IP6K3: variants seen among roughly 807,000 people sequenced by gnomAD.
IP6K3 encodes the protein inositol hexakisphosphate kinase 3.
Under a neutral mutation model 28.8 loss-of-function variants are expected in IP6K3, and 20 were observed. That is an observed-to-expected ratio of 0.70 (90% confidence interval 0.49 to 1.01). The LOEUF is 1.01. IP6K3 is among the 50% of genes least tolerant of loss of function. The probability of loss-of-function intolerance (pLI) is 0.00; values close to 1 mark genes in which losing one functional copy is unlikely to be tolerated. For missense variants in IP6K3, 480 were observed against 537.1 expected (o/e 0.89, Z 1.05); for synonymous variants, 213 against 221.3 (o/e 0.96, Z 0.33).
intron 3 of IP6K3, 79 bp from the exon 4 acceptor site, chr6:33,726,985 C>G: frequency 7.1e-7 from 1 of 1,405,370 alleles, no homozygotes; most frequent in African/African-American, 1.4e-5. Context: ...ACTGGGCTCT[C>G]TGAGATGGGC....
the IP6K3 span, among the ~76,000 whole-genome samples, chr6:33,759,954 C>G: frequency 6.6e-6 from 1 of 152,146 alleles, no homozygotes; most frequent in Non-Finnish European, 1.5e-5. Context: ...CCCACCTTGC[C>G]CTGCTGAAGC....
the IP6K3 span, among the ~76,000 whole-genome samples, chr6:33,761,823 C>G: frequency 6.6e-6 from 1 of 152,066 alleles, no homozygotes; most frequent in Non-Finnish European, 1.5e-5. Context: ...GGGTTGCATC[C>G]CTGGCCTTCC....
intron 1 of IP6K3, among the ~76,000 whole-genome samples, chr6:33,741,975 CAA>C (rs10562436): frequency 0.52 from 76,352 of 147,122 alleles, 20,593 homozygotes; most frequent in African/African-American, 0.64. Context: ...CAAAAACAAG[CAA>C]AAAAAAAAAA....
At chr6:33,756,205 T>A in the IP6K3 span, among the ~76,000 whole-genome samples, 1 of 152,078 alleles carries the variant, frequency 6.6e-6, no homozygotes, top group South Asian at 2.1e-4. Flanking sequence ...AAGTAGATGG[T>A]AGTGTGGTAG....
intron 2 of IP6K3, among the ~76,000 whole-genome samples, chr6:33,731,483 A>G (rs1766319769): frequency 6.6e-6 from 1 of 152,202 alleles, no homozygotes; most frequent in Non-Finnish European, 1.5e-5. Flanking sequence ...CCCAAAACCA[A>G]TAAAATCCAA....
chr6:33,725,556 T>C lies in IP6K3; in HGVS notation c.650A>G (p.Lys217Arg). The C allele has an allele frequency of 3.1e-6, 5 of 1,614,208 alleles. No homozygotes were observed. Among genetic ancestry groups the C allele is most frequent in the Non-Finnish European group, 4.2e-6 (5 of 1,180,032 alleles). Reference protein sequence around the residue: ...QYTHPCVLDLKMGTRQHGDDA... With the variant: ...QYTHPCVLDLRMGTRQHGDDA... The stretch of plus-strand genomic sequence containing the variant: ...ATCGCCGTGCTGCCGGGTCCCCATC[T>C]TCAGATCCAGGACACAGGGATGCGT... Residue 217 changes from lysine to arginine, a missense_variant, in exon 5 of 6, where the codon AAG becomes AGG. Transcript: ENST00000293756.
intron 2 of IP6K3, among the ~76,000 whole-genome samples, chr6:33,732,237 C>G (rs926957573): frequency 6.6e-6 from 1 of 152,182 alleles, no homozygotes; most frequent in African/African-American, 2.4e-5. Context: ...GAACTCTGAC[C>G]CAAGAGGCTG....
chr6:33,740,705 G>A (rs149449593), intron 1 of IP6K3, among the ~76,000 whole-genome samples: 30 of 152,318 alleles, frequency 2.0e-4, no homozygotes, highest in East Asian at 1.2e-3. Context: ...GTCACAACCC[G>A]TCGGCACATT....
At chr6:33,738,537 T>A (rs2127361385) in intron 1 of IP6K3, among the ~76,000 whole-genome samples, 1 of 152,324 alleles carries the variant, frequency 6.6e-6, no homozygotes, top group South Asian at 2.1e-4. Flanking sequence ...TATTTAAGCC[T>A]TACAATCCAT....
At chr6:33,735,177 C>G (rs562881599) in intron 2 of IP6K3, 101 bp downstream of exon 2, 10 of 1,015,680 alleles carry the variant, frequency 9.8e-6, no homozygotes, top group East Asian at 2.6e-5. Flanking sequence ...TGTGGCAACC[C>G]TTACACACAC....
At chr6:33,723,516 C>G (rs1765990400) in intron 5 of IP6K3, among the ~76,000 whole-genome samples, 1 of 152,212 alleles carries the variant, frequency 6.6e-6, no homozygotes, top group Non-Finnish European at 1.5e-5. Flanking sequence ...ATGATTTAAG[C>G]CCTGGCTCCT....
intron 3 of IP6K3, 58 bp downstream of exon 3, chr6:33,728,029 A>G (rs2127351654): frequency 1.9e-6 from 3 of 1,577,030 alleles, no homozygotes; most frequent in East Asian, 4.5e-5. Context: ...CACAGGTGGG[A>G]GCAGTGCCGG....
intron 1 of IP6K3, among the ~76,000 whole-genome samples, chr6:33,736,076 G>T (rs1048450785): frequency 6.6e-6 from 1 of 152,070 alleles, no homozygotes; most frequent in Non-Finnish European, 1.5e-5. Context: ...ATGTTGCCTG[G>T]GCTGGTCTCA....
upstream of IP6K3, among the ~76,000 whole-genome samples, chr6:33,750,483 C>G (rs187796799): frequency 9.2e-4 from 140 of 152,336 alleles, 1 homozygote; most frequent in Non-Finnish European, 1.1e-3. The surrounding 1 kb of genome is among the most constrained non-coding windows in gnomAD (Gnocchi z 4.3). Flanking sequence ...CCCGCCCTTT[C>G]TGACACAGTC....
upstream of IP6K3, among the ~76,000 whole-genome samples, chr6:33,750,282 A>G (rs1767005022): frequency 1.3e-5 from 2 of 152,012 alleles, no homozygotes; most frequent in African/African-American, 4.8e-5. This position sits in a 1 kb window ranked among gnomAD's most constrained non-coding sequence, Gnocchi z 4.3. Context: ...TGATGTTTAG[A>G]AACAATTCAA....
In IP6K3 at chr6:33,744,195, G is replaced by A. The variant is rs1766827511; in HGVS notation, c.-180+2563C>T. Among the ~76,000 whole-genome samples, 1 of 152,170 alleles carries A rather than the reference G, an allele frequency of 6.6e-6. No homozygotes were observed. Among genetic ancestry groups the A allele is most frequent in the African/African-American group, 2.4e-5 (1 of 41,444 alleles). ...TGCTTTGACAGCCCCTCCCAGCCAT[G>A]CTTTTCTCCTCCGGACTTTGCCTCT... On this transcript the variant is annotated intron_variant, in intron 1 of 5. Transcript: ENST00000293756. The surrounding 1 kb of genome is among the most constrained non-coding windows in gnomAD (Gnocchi z 4.4).
At chr6:33,733,102 G>A (rs1354189337) in intron 2 of IP6K3, among the ~76,000 whole-genome samples, 2 of 152,224 alleles carry the variant, frequency 1.3e-5, no homozygotes, top group African/African-American at 4.8e-5. Context: ...GTAGGTGGCC[G>A]GCTAGGTGGT....
At chr6:33,741,703 G>A (rs1278307457) in intron 1 of IP6K3, among the ~76,000 whole-genome samples, 8 of 83,490 alleles carry the variant, frequency 9.6e-5, no homozygotes, top group African/African-American at 2.1e-4. Context: ...TGTAATCCCA[G>A]CACTTTGGGA....
the IP6K3 span, among the ~76,000 whole-genome samples, chr6:33,756,211 G>T: frequency 6.6e-6 from 1 of 152,108 alleles, no homozygotes; most frequent in Non-Finnish European, 1.5e-5. Flanking sequence ...ATGGTAGTGT[G>T]GTAGAGAAAA....
Sources: allele counts gnomAD v4.1 joint callset (sites outside exome capture counted in the v4.1 genomes callset), GRCh38; gene constraint gnomAD v4.1.1; non-coding constraint Gnocchi (gnomAD v3.1); transcripts MANE v1.5; gene names NCBI Gene and HGNC (gene_info 2026-07-23, HGNC 2026-07-21).